TNR: variants seen among roughly 807,000 people sequenced by gnomAD.
The protein encoded by TNR is tenascin R, also known as tenascin-R.
Under a neutral mutation model 150.4 loss-of-function variants are expected in TNR, and 45 were observed. The ratio of observed to expected loss-of-function variants is 0.30; its 90% confidence interval spans 0.24 to 0.38. The LOEUF (loss-of-function observed/expected upper bound fraction) is 0.38, where lower values mean the gene tolerates loss of function less well. Ranked by LOEUF, TNR falls within the 10% of genes least tolerant of loss-of-function variation. The probability of loss-of-function intolerance (pLI) is 1.00; values close to 1 mark genes in which losing one functional copy is unlikely to be tolerated. For missense variants in TNR, 1,544 were observed against 1,759.1 expected, an observed-to-expected ratio of 0.88 and a Z score of 2.19; for synonymous variants, 687 against 678.4, an observed-to-expected ratio of 1.01 and a Z score of -0.20.
chr1:175,732,158 A>G (rs1667659829), intron 1 of TNR, among the ~76,000 whole-genome samples: 1 of 152,202 alleles, frequency 6.6e-6, no homozygotes, highest in African/African-American at 2.4e-5. Flanking sequence ...AGAAACCTCC[A>G]CAGGAATAAA....
chr1:175,635,875 A>C (rs1664476555), intron 1 of TNR, among the ~76,000 whole-genome samples: 1 of 152,014 alleles, frequency 6.6e-6, no homozygotes, highest in Admixed American at 6.6e-5. Flanking sequence ...ATACTTTAGA[A>C]ATATGAAAAT....
intron 1 of TNR, among the ~76,000 whole-genome samples, chr1:175,613,379 T>C (rs1663659658): frequency 6.6e-6 from 1 of 152,180 alleles, no homozygotes; most frequent in Non-Finnish European, 1.5e-5. Context: ...AGCTTTAAAT[T>C]GGCCATGTTG....
chr1:175,376,468 G>GAA (rs145622727), intron 9 of TNR, among the ~76,000 whole-genome samples: 56,913 of 151,908 alleles, frequency 0.37, 10,938 homozygotes, highest in East Asian at 0.52. Flanking sequence ...TGGCAAGCCT[G>GAA]GGTACAGAGT....
At chr1:175,671,973 A>G (rs1231615778) in intron 1 of TNR, among the ~76,000 whole-genome samples, 2 of 144,524 alleles carry the variant, frequency 1.4e-5, no homozygotes, top group Non-Finnish European at 1.5e-5. Context: ...AAGGAATACC[A>G]ATCTTTAACT....
intron 1 of TNR, among the ~76,000 whole-genome samples, chr1:175,532,046 G>A (rs1430192421): frequency 3.9e-5 from 6 of 152,222 alleles, no homozygotes; most frequent in Non-Finnish European, 8.8e-5. Flanking sequence ...GCTGGGCCAG[G>A]TGAGATCCAA....
intron 1 of TNR, among the ~76,000 whole-genome samples, chr1:175,623,891 C>A (rs570836582): frequency 1.3e-5 from 2 of 152,252 alleles, no homozygotes; most frequent in African/African-American, 4.8e-5. Flanking sequence ...AAGGCTTGGG[C>A]CCAGGTCTCC....
intron 1 of TNR, among the ~76,000 whole-genome samples, chr1:175,661,658 C>T (rs10798412): frequency 0.65 from 98,460 of 151,848 alleles, 32,167 homozygotes; most frequent in East Asian, 0.73. Context: ...TGAAGAAAAA[C>T]TCAAAGAGAT....
chr1:175,348,988 G>C (rs1650928979), intron 18 of TNR, among the ~76,000 whole-genome samples: 1 of 152,046 alleles, frequency 6.6e-6, no homozygotes, highest in Admixed American at 6.6e-5. Context: ...CATATGAAGA[G>C]ATGTTTAAAC....
chr1:175,552,674 G>C (rs542097991), intron 1 of TNR, among the ~76,000 whole-genome samples: 1 of 152,276 alleles, frequency 6.6e-6, no homozygotes, highest in Non-Finnish European at 1.5e-5. Context: ...CTGGTACATT[G>C]TCTATTTGAA....
chr1:175,365,067 G>A lies in TNR; in HGVS notation c.2530C>T (p.Leu844Phe). The A allele has an allele frequency of 6.2e-7, 1 of 1,614,036 alleles. No individual in the cohort carries two copies. Among genetic ancestry groups the A allele is most frequent in the Non-Finnish European group, 8.5e-7 (1 of 1,179,946 alleles). The change falls in exon 12 of 23, where the codon CTT becomes TTT. Residue 844 changes from leucine (L) to phenylalanine (F), a missense_variant. Leu to Phe is a conservative substitution (Grantham distance 22). This residue lies in a region of TNR where 1,254 missense variants were observed against 1,329.4 expected (regional missense o/e 0.94). Coordinates refer to ENST00000367674, the MANE Select transcript of TNR (RefSeq NM_003285.3). Reference protein sequence around the residue: ...LQPATEYIVNLVAVHGTVTSE... With the variant: ...LQPATEYIVNFVAVHGTVTSE... The stretch of plus-strand genomic sequence containing the variant: ...GTCACTGTGCCATGGACAGCCACAA[G>A]GTTCACAATATACTCTGTGGCTGGT...
intron 2 of TNR, among the ~76,000 whole-genome samples, chr1:175,492,556 C>A (rs1201161644): frequency 1.3e-5 from 2 of 152,110 alleles, no homozygotes; most frequent in Non-Finnish European, 2.9e-5. Flanking sequence ...CACAGAGTTC[C>A]CATCCCCAAA....
intron 9 of TNR, among the ~76,000 whole-genome samples, chr1:175,369,802 C>A (rs1652013164): frequency 6.6e-6 from 1 of 152,170 alleles, no homozygotes; most frequent in Non-Finnish European, 1.5e-5. Flanking sequence ...GAGCAACATT[C>A]CTTTAACAAA....
chr1:175,404,856 C>T (rs1427577706), intron 3 of TNR, among the ~76,000 whole-genome samples: 1 of 152,220 alleles, frequency 6.6e-6, no homozygotes, highest in Non-Finnish European at 1.5e-5. Context: ...GAGAACTGGA[C>T]TTGCTCTTCT....
At chr1:175,395,738 A>G (rs1490388043) in intron 5 of TNR, among the ~76,000 whole-genome samples, 3 of 152,236 alleles carry the variant, frequency 2.0e-5, no homozygotes, top group Non-Finnish European at 2.9e-5. Flanking sequence ...AGAGGGGTAT[A>G]AAGAAAAATA....
chr1:175,331,058 T>TTC lies in TNR; in HGVS notation c.3632-824_3632-823insGA, dbSNP rs1553203361. 4.5e-4 allele frequency among the ~76,000 whole-genome samples: 52 copies of TTC among 116,276 alleles called. 1 individual carries two copies. The highest frequency in any genetic ancestry group is 7.8e-4 in the Non-Finnish European group (44 of 56,148). The allele number at this position is 116,276 out of a possible 152,430, so 76.3% of individuals were successfully genotyped here. On this transcript the variant is annotated intron_variant, in intron 20 of 22. Transcript: ENST00000367674. Reference sequence around the variant, plus strand: ...CTTTCTTTCTTTCTTTCTTTCTTTCTTTCTTTCTTTCTTTCTTTCCTTCTT... The same window carrying TTC: ...CTTTCTTTCTTTCTTTCTTTCTTTCTTCTTCTTTCTTTCTTTCTTTCCTTCTT...
intron 2 of TNR, among the ~76,000 whole-genome samples, chr1:175,494,033 C>T (rs746479661): frequency 6.6e-6 from 1 of 152,182 alleles, no homozygotes; most frequent in African/African-American, 2.4e-5. Flanking sequence ...TGTCTTCCTC[C>T]CGCCTCTGAC....
At chr1:175,555,851 G>T (rs190907619) in intron 1 of TNR, among the ~76,000 whole-genome samples, 3 of 152,186 alleles carry the variant, frequency 2.0e-5, no homozygotes, top group African/African-American at 7.2e-5. Flanking sequence ...TGGCTAGAAG[G>T]CTCCTTCCAA....
chr1:175,342,253 C>T (rs923222575), intron 18 of TNR, among the ~76,000 whole-genome samples: 9 of 152,154 alleles, frequency 5.9e-5, no homozygotes, highest in Non-Finnish European at 1.0e-4. Context: ...TGATGCCTGG[C>T]TGGCAAGGAC....
chr1:175,435,186 G>C (rs1655446389), intron 2 of TNR, among the ~76,000 whole-genome samples: 1 of 152,148 alleles, frequency 6.6e-6, no homozygotes. Context: ...GTGCAAGTTG[G>C]AAGTAGAAAT....
Sources: allele counts gnomAD v4.1 joint callset (sites outside exome capture counted in the v4.1 genomes callset), GRCh38; gene constraint gnomAD v4.1.1; regional missense constraint gnomAD v4.1.1; transcripts MANE v1.5; gene names NCBI Gene and HGNC (gene_info 2026-07-23, HGNC 2026-07-21).